PCDH15: variants seen among roughly 807,000 people sequenced by gnomAD.
PCDH15 encodes the protein protocadherin-15.
A neutral mutation model predicts 178.5 loss-of-function variants in PCDH15; 129 were observed. The observed-to-expected ratio is 0.72, with a 90% CI of 0.63 to 0.84. The LOEUF (loss-of-function observed/expected upper bound fraction) is 0.84. Ranked by LOEUF, PCDH15 falls within the 40% of genes least tolerant of loss-of-function variation. The probability of loss-of-function intolerance (pLI) is 0.00; values close to 1 mark genes in which losing one functional copy is unlikely to be tolerated. For missense variants in PCDH15, 2,230 were observed against 2,099.9 expected (o/e 1.06, Z -1.21); for synonymous variants, 800 against 732.0 (o/e 1.09, Z -1.50).
At chr10:55,399,316 A>C (rs1447161990) in intron 2 of PCDH15, among the ~76,000 whole-genome samples, 1 of 152,180 alleles carries the variant, frequency 6.6e-6, no homozygotes, top group Non-Finnish European at 1.5e-5. Context: ...TTTTAATTTT[A>C]GCATTGGAAA....
chr10:55,607,000 T>C (rs1471513125), intron 2 of PCDH15, among the ~76,000 whole-genome samples: 2 of 151,852 alleles, frequency 1.3e-5, no homozygotes, highest in Non-Finnish European at 2.9e-5. Flanking sequence ...CCTACTCATC[T>C]GACGAAGGGC....
At chr10:54,646,977 C>T (rs2094143202) in intron 2 of PCDH15, among the ~76,000 whole-genome samples, 1 of 151,992 alleles carries the variant, frequency 6.6e-6, no homozygotes, top group African/African-American at 2.4e-5. Context: ...TCCATGAATC[C>T]TACTTCTAGG....
intron 1 of PCDH15, among the ~76,000 whole-genome samples, chr10:55,292,443 A>G (rs1459415930): frequency 6.6e-6 from 1 of 152,092 alleles, no homozygotes; most frequent in African/African-American, 2.4e-5. Flanking sequence ...GTGCAATGGC[A>G]TGATCTCGGC....
At chr10:55,121,069 A>C (rs542069446) in intron 2 of PCDH15, among the ~76,000 whole-genome samples, 1 of 152,100 alleles carries the variant, frequency 6.6e-6, no homozygotes, top group South Asian at 2.1e-4. Context: ...AGCTGCAGGC[A>C]CTCAACTCCA....
intron 26 of PCDH15, among the ~76,000 whole-genome samples, chr10:53,878,290 AAT>A (rs200022201): frequency 7.7e-6 from 1 of 130,676 alleles, no homozygotes; most frequent in Non-Finnish European, 1.6e-5. Flanking sequence ...ACACACTTTG[AAT>A]ATATATATAG....
At chr10:53,877,960 T>A (rs1443522806) in intron 26 of PCDH15, among the ~76,000 whole-genome samples, 1 of 152,136 alleles carries the variant, frequency 6.6e-6, no homozygotes, top group Non-Finnish European at 1.5e-5. Flanking sequence ...CAGAGATGAA[T>A]GTTAAAACAA....
chr10:54,769,602 A>G (rs1948869708), intron 1 of PCDH15, among the ~76,000 whole-genome samples: 1 of 151,982 alleles, frequency 6.6e-6, no homozygotes. Flanking sequence ...TACAGGAAAC[A>G]TCATCACAAA....
intron 2 of PCDH15, among the ~76,000 whole-genome samples, chr10:55,556,608 A>T (rs528246140): frequency 6.6e-6 from 1 of 152,186 alleles, no homozygotes; most frequent in East Asian, 1.9e-4. Flanking sequence ...AGGTGGGCTG[A>T]TCACTTAAGG....
intron 3 of PCDH15, among the ~76,000 whole-genome samples, chr10:54,874,771 G>A (rs931154647): frequency 2.0e-5 from 3 of 152,010 alleles, no homozygotes; most frequent in Non-Finnish European, 2.9e-5. Flanking sequence ...AATTTTAAAT[G>A]TATTTTTATT....
chr10:54,070,290 G>A (rs1038035309), intron 17 of PCDH15, among the ~76,000 whole-genome samples: 2 of 151,712 alleles, frequency 1.3e-5, no homozygotes, highest in African/African-American at 4.8e-5. Context: ...TGCAACCTCC[G>A]CCTCCCAGGT....
intron 2 of PCDH15, among the ~76,000 whole-genome samples, chr10:55,161,529 G>C (rs1448325069): frequency 6.6e-6 from 1 of 151,990 alleles, no homozygotes; most frequent in Non-Finnish European, 1.5e-5. Flanking sequence ...ATGCCAGAGA[G>C]ACCCATACAG....
intron 8 of PCDH15, among the ~76,000 whole-genome samples, chr10:54,249,110 A>C (rs1564787040): frequency 2.0e-5 from 3 of 152,116 alleles, no homozygotes; most frequent in Non-Finnish European, 4.4e-5. Context: ...TTAATATTTA[A>C]GGTATTTTGT....
intron 2 of PCDH15, among the ~76,000 whole-genome samples, chr10:55,068,219 C>A (rs1841618155): frequency 6.6e-6 from 1 of 151,908 alleles, no homozygotes; most frequent in Non-Finnish European, 1.5e-5. Context: ...CAACATAATA[C>A]TTGTATAGTT....
intron 2 of PCDH15, among the ~76,000 whole-genome samples, chr10:54,589,548 A>C (rs2091742564): frequency 6.6e-6 from 1 of 152,136 alleles, no homozygotes; most frequent in African/African-American, 2.4e-5. Flanking sequence ...ATTGTTTATC[A>C]TTTATGTCTA....
intron 9 of PCDH15, among the ~76,000 whole-genome samples, chr10:54,222,529 G>A (rs1774978844): frequency 6.6e-6 from 1 of 152,084 alleles, no homozygotes; most frequent in South Asian, 2.1e-4. Flanking sequence ...TTTCATTGTT[G>A]AGTAATGTTT....
intron 13 of PCDH15, among the ~76,000 whole-genome samples, chr10:54,155,128 T>C (rs906767537): frequency 2.2e-4 from 34 of 152,312 alleles, no homozygotes; most frequent in African/African-American, 7.9e-4. Flanking sequence ...GCTAAAGGAA[T>C]GTAATGATAA....
At chr10:54,164,150 C>T (rs1323652004) in intron 13 of PCDH15, among the ~76,000 whole-genome samples, 2 of 152,094 alleles carry the variant, frequency 1.3e-5, no homozygotes, top group African/African-American at 4.8e-5. Flanking sequence ...TGCTATCAGA[C>T]CAGATGCAGA....
chr10:55,586,636 A>T (rs560206980), intron 2 of PCDH15, among the ~76,000 whole-genome samples: 1 of 152,294 alleles, frequency 6.6e-6, no homozygotes, highest in Admixed American at 6.5e-5. Context: ...ATGTGTCCAA[A>T]AAGTCTGTAA....
intron 21 of PCDH15, among the ~76,000 whole-genome samples, chr10:53,991,758 T>C (rs565235028): frequency 6.6e-6 from 1 of 152,112 alleles, no homozygotes; most frequent in South Asian, 2.1e-4. Flanking sequence ...AGCTAGAGGA[T>C]TGTAAATACC....
Sources: allele counts gnomAD v4.1 joint callset (sites outside exome capture counted in the v4.1 genomes callset), GRCh38; gene constraint gnomAD v4.1.1; transcripts MANE v1.5; gene names NCBI Gene and HGNC (gene_info 2026-07-23, HGNC 2026-07-21).